The following CCSER1 variants were observed in gnomAD, a reference collection of about 807,000 sequenced individuals.
CCSER1 encodes serine-rich coiled-coil domain-containing protein 1.
A neutral mutation model predicts 82.0 loss-of-function variants in CCSER1; 41 were observed. That is an observed-to-expected ratio of 0.50 (90% CI 0.39 to 0.65). CCSER1 has a LOEUF of 0.65. CCSER1 is among the 30% of genes least tolerant of loss of function. CCSER1 has a pLI of 0.00. For synonymous variants in CCSER1, 414 were observed against 383.9 expected (o/e 1.08, Z -0.92); for missense variants, 1,119 against 1,064.2 (o/e 1.05, Z -0.72).
intron 5 of CCSER1, among the ~76,000 whole-genome samples, chr4:90,480,159 G>A (rs949322868): frequency 4.6e-5 from 7 of 152,086 alleles, no homozygotes; most frequent in African/African-American, 1.7e-4. Flanking sequence ...GTGTTTTTTG[G>A]CTGCATAAAT....
At chr4:90,906,873 T>G (rs1305748218) in intron 8 of CCSER1, among the ~76,000 whole-genome samples, 1 of 152,102 alleles carries the variant, frequency 6.6e-6, no homozygotes, top group East Asian at 1.9e-4. Flanking sequence ...CTCCTAAATC[T>G]TCGCAATGCC....
chr4:90,754,975 C>G (rs1171514356), intron 7 of CCSER1, among the ~76,000 whole-genome samples: 1 of 152,066 alleles, frequency 6.6e-6, no homozygotes, highest in Admixed American at 6.6e-5. Flanking sequence ...CCATTATAAT[C>G]TAATACAGCT....
chr4:90,920,513 A>G (rs991345450), intron 8 of CCSER1, among the ~76,000 whole-genome samples: 1 of 151,882 alleles, frequency 6.6e-6, no homozygotes, highest in Non-Finnish European at 1.5e-5. Flanking sequence ...TGCAATTACT[A>G]TTGCCTTCTT....
chr4:90,962,648 G>T (rs1375547781), intron 9 of CCSER1, among the ~76,000 whole-genome samples: 1 of 152,076 alleles, frequency 6.6e-6, no homozygotes, highest in Non-Finnish European at 1.5e-5. Context: ...TTTGAAATGT[G>T]TAATGTTCAA....
At chr4:91,301,489 G>C (rs1255356397) in intron 10 of CCSER1, among the ~76,000 whole-genome samples, 45 of 150,906 alleles carry the variant, frequency 3.0e-4, no homozygotes, top group Non-Finnish European at 3.0e-5. Context: ...TTATAGGTGT[G>C]TTTAGGTGGA....
chr4:90,746,876 G>A (rs957085479), intron 7 of CCSER1, among the ~76,000 whole-genome samples: 2 of 152,134 alleles, frequency 1.3e-5, no homozygotes, highest in Non-Finnish European at 2.9e-5. Context: ...CCTGACTGCA[G>A]GTTGCAATGC....
intron 10 of CCSER1, among the ~76,000 whole-genome samples, chr4:91,495,501 C>T (rs1387246403): frequency 6.6e-6 from 1 of 150,820 alleles, no homozygotes; most frequent in Non-Finnish European, 1.5e-5. Flanking sequence ...TTATTTTTTA[C>T]TTGTTCCTTA....
rs532160325 is a variant in CCSER1, at chr4:90,988,300, A to G, written c.2172+64853A>G. On this transcript the variant is annotated intron_variant, in intron 9 of 10. Coordinates refer to ENST00000509176, the MANE Select transcript of CCSER1 (RefSeq NM_001145065.2). ...CAGTTAACCATGATTGCAGCACTAC[A>G]CTCTAGCCTGGGAGACAGAGTGATA... 2.8e-5 allele frequency among the ~76,000 whole-genome samples: 4 copies of G among 143,044 alleles called. No homozygotes were observed. The East Asian group carries it at 8.4e-4, about 30-fold the overall frequency. The allele number at this position is 143,044 out of a possible 152,430, so 93.8% of individuals were successfully genotyped here. A position where few individuals can be genotyped will look rare whatever the true frequency, so the allele number is the denominator to read the frequency against.
intron 5 of CCSER1, among the ~76,000 whole-genome samples, chr4:90,491,283 G>T (rs965565693): frequency 6.6e-6 from 1 of 152,070 alleles, no homozygotes; most frequent in African/African-American, 2.4e-5. Flanking sequence ...TGAAGCAATT[G>T]TGAATGGGAG....
chr4:90,695,950 A>G (rs1238713282), intron 6 of CCSER1, among the ~76,000 whole-genome samples: 2 of 152,084 alleles, frequency 1.3e-5, no homozygotes, highest in Admixed American at 6.6e-5. Flanking sequence ...TTCAACAGTA[A>G]AACATTTTGA....
chr4:90,500,847 C>A (rs1479240757), intron 5 of CCSER1, among the ~76,000 whole-genome samples: 1 of 151,924 alleles, frequency 6.6e-6, no homozygotes, highest in Non-Finnish European at 1.5e-5. Context: ...AGTAGCCCTG[C>A]ATTGCTTCAG....
In CCSER1 at chr4:91,170,413, CAGA is replaced by C. The variant is rs369696561; in HGVS notation, c.2217+84425_2217+84427del. Among the ~76,000 whole-genome samples the C allele has an allele frequency of 4.2e-3, 633 of 152,136 alleles. 1 individual carries two copies. Among genetic ancestry groups the C allele is most frequent in the Middle Eastern group, 0.014 (4 of 294 alleles). Reference sequence around the variant, plus strand: ...AAAAAATGACAGAGACAAAGAAATGCAGAAGAAGTTGTACTTCTTCTGAAAACA... The same window carrying C: ...AAAAAATGACAGAGACAAAGAAATGCAGAAGTTGTACTTCTTCTGAAAACA... On this transcript the variant is annotated intron_variant, in intron 10 of 10. Coordinates refer to ENST00000509176, the MANE Select transcript of CCSER1 (RefSeq NM_001145065.2).
At chr4:91,504,951 T>C (rs1431573092) in intron 10 of CCSER1, among the ~76,000 whole-genome samples, 1 of 152,208 alleles carries the variant, frequency 6.6e-6, no homozygotes, top group Non-Finnish European at 1.5e-5. Flanking sequence ...AAAAATTATT[T>C]TAAGTTCCTG....
chr4:91,392,363 G>GCACACACACACACACA (rs142343973), intron 10 of CCSER1, among the ~76,000 whole-genome samples: 111 of 148,212 alleles, frequency 7.5e-4, no homozygotes, highest in Middle Eastern at 6.8e-3. Flanking sequence ...ACCTACACAT[G>GCACACACACACACACA]CACACACACA....
chr4:91,349,595 C>G (rs1203310713), intron 10 of CCSER1, among the ~76,000 whole-genome samples: 1 of 152,058 alleles, frequency 6.6e-6, no homozygotes, highest in Non-Finnish European at 1.5e-5. Flanking sequence ...AGTTTGTTTA[C>G]TTTATGGTAA....
At chr4:90,936,238 TG>T (rs1480607829) in intron 9 of CCSER1, among the ~76,000 whole-genome samples, 2 of 152,102 alleles carry the variant, frequency 1.3e-5, no homozygotes, top group Non-Finnish European at 2.9e-5. Flanking sequence ...CTTTCTAATT[TG>T]ACAATATATT....
chr4:90,998,192 T>C (rs1737669671), intron 9 of CCSER1, among the ~76,000 whole-genome samples: 1 of 152,160 alleles, frequency 6.6e-6, no homozygotes, highest in African/African-American at 2.4e-5. Context: ...GCAATTCTCT[T>C]GCCTCAGCCT....
chr4:91,021,827 T>A (rs559739021), intron 9 of CCSER1, among the ~76,000 whole-genome samples: 55 of 152,238 alleles, frequency 3.6e-4, no homozygotes, highest in South Asian at 1.0e-3. Flanking sequence ...ACACTTTTTT[T>A]AAAAAAGAAT....
At chr4:91,171,617 G>C (rs999037673) in intron 10 of CCSER1, among the ~76,000 whole-genome samples, 3 of 151,796 alleles carry the variant, frequency 2.0e-5, no homozygotes, top group Admixed American at 2.0e-4. Flanking sequence ...AGTACCCCAG[G>C]CCTCACATAA....
Sources: gnomAD v4.1 joint callset for allele counts (sites outside exome capture counted in the v4.1 genomes callset) on GRCh38, gnomAD v4.1.1 for gene constraint, MANE v1.5 for transcripts, NCBI Gene and HGNC (gene_info 2026-07-23, HGNC 2026-07-21) for gene names.